Variants in PGC observed in about 807,000 individuals in gnomAD.
PGC encodes the protein gastricsin.
Under a neutral mutation model 45.9 loss-of-function variants are expected in PGC, and 31 were observed. That is an observed-to-expected ratio of 0.67 (90% CI 0.51 to 0.91). The LOEUF (loss-of-function observed/expected upper bound fraction) is 0.91, where lower values mean the gene tolerates loss of function less well. Ranked by LOEUF, PGC falls within the 40% of genes least tolerant of loss-of-function variation. The probability of loss-of-function intolerance (pLI) is 0.00; values close to 1 mark genes in which losing one functional copy is unlikely to be tolerated. For synonymous variants in PGC, 192 were observed against 201.8 expected (o/e 0.95, Z 0.41); for missense variants, 477 against 493.2 (o/e 0.97, Z 0.31).
intron 5 of PGC, 140 bp downstream of exon 5, chr6:41,742,150 G>T: frequency 1.3e-6 from 1 of 764,604 alleles, no homozygotes; most frequent in Non-Finnish European, 2.2e-6. Flanking sequence ...CAGGAAGGAA[G>T]GCCCTGGAGC....
At chr6:41,738,287 TACAC>T (rs1771755195) in intron 7 of PGC, among the ~76,000 whole-genome samples, 1 of 134,638 alleles carries the variant, frequency 7.4e-6, no homozygotes, top group Non-Finnish European at 1.6e-5. Flanking sequence ...CACACACACA[TACAC>T]AGGCATGAGC....
At chr6:41,739,320 A>C (rs1771779703) in intron 7 of PGC, among the ~76,000 whole-genome samples, 1 of 152,178 alleles carries the variant, frequency 6.6e-6, no homozygotes, top group South Asian at 2.1e-4. Context: ...GCCCCGCCTG[A>C]ACAAGCCTCC....
At chr6:41,740,419 T>C (rs1022260442) in intron 6 of PGC, 72 bp downstream of exon 6, 2 of 1,543,782 alleles carry the variant, frequency 1.3e-6, no homozygotes, top group Non-Finnish European at 1.8e-6. Flanking sequence ...CCAGACTGTG[T>C]GTGTGTGTGA....
At chr6:41,737,081 C>T (rs1251274665) in intron 8 of PGC, 77 bp from the exon 9 acceptor site, 2 of 1,426,154 alleles carry the variant, frequency 1.4e-6, no homozygotes, top group Non-Finnish European at 1.9e-6. Context: ...GAGCCCTGGG[C>T]TGGGAGCACA....
At position 41,742,321 on chromosome 6, in the gene PGC, T is replaced by C. The variant is rs766076388; in HGVS notation, c.616A>G (p.Thr206Ala). The C allele has an allele frequency of 1.4e-5, 22 of 1,613,858 alleles. No individual in the cohort carries two copies. Among genetic ancestry groups the C allele is most frequent in the Non-Finnish European group, 1.9e-5 (22 of 1,179,998 alleles). Residue 206 changes from threonine to alanine, a missense_variant, in exon 5 of 9, where the codon ACC becomes GCC. Thr to Ala is a moderately conservative substitution (Grantham distance 58). Transcript: ENST00000373025. ...MQGMVQEGAL[T>A]SPVFSVYLSN... ...AGGTAGACGCTGAAGACGGGGCTGGTGAGGGCGCCCTCCTGCACCATGCCC... is the reference window on the plus strand; with the variant it reads ...AGGTAGACGCTGAAGACGGGGCTGGCGAGGGCGCCCTCCTGCACCATGCCC...
intron 7 of PGC, 87 bp from the exon 8 acceptor site, chr6:41,737,915 C>G (rs993668873): frequency 1.3e-6 from 1 of 792,168 alleles, no homozygotes; most frequent in Non-Finnish European, 2.2e-6. Context: ...GATCCCAGGC[C>G]TGAGCTCCGG....
Position 41,744,880 on chromosome 6 carries a change from CCTT to C in PGC, c.60-75_60-73del, listed in dbSNP as rs1334280719. ...TTCCCACTCCTCTCTTTCTCTCTCTCCTTCTCTTAACTGCATGCTTCAACCTCC... is the reference window on the plus strand; with the variant it reads ...TTCCCACTCCTCTCTTTCTCTCTCTCCTCTTAACTGCATGCTTCAACCTCC... On this transcript the variant is annotated intron_variant, in intron 1 of 8. Transcript: ENST00000373025. The surrounding 1 kb of genome is among the most constrained non-coding windows in gnomAD (Gnocchi z 4.4). The C allele has an allele frequency of 1.4e-6, 2 of 1,380,442 alleles. No homozygotes were observed. The highest frequency in any genetic ancestry group is 1.0e-6 in the Non-Finnish European group (1 of 1,002,328). The allele number at this position is 1,380,442 out of a possible 1,614,324, so 85.5% of individuals were successfully genotyped here.
At chr6:41,737,663 T>A (rs1771711891) in intron 8 of PGC, 67 bp downstream of exon 8, 1 of 876,970 alleles carries the variant, frequency 1.1e-6, no homozygotes, top group Non-Finnish European at 1.9e-6. Flanking sequence ...ACCCAGCATT[T>A]CTGGCTCCCC....
At position 41,740,625 on chromosome 6, in the gene PGC, G is replaced by A; in HGVS notation, c.648-15C>T. 1 of 1,582,486 alleles carries A rather than the reference G, an allele frequency of 6.3e-7. No homozygotes were observed. The highest frequency in any genetic ancestry group is 8.6e-7 in the Non-Finnish European group (1 of 1,166,378). ...AGCCCTGCTGGCTGCAGGAGAGAAAGGGAAGGGGAAGTCAGGGAGTGCCAT... is the reference window on the plus strand; with the variant it reads ...AGCCCTGCTGGCTGCAGGAGAGAAAAGGAAGGGGAAGTCAGGGAGTGCCAT... On this transcript the variant is annotated splice_polypyrimidine_tract_variant and intron_variant, in intron 5 of 8. Coordinates refer to ENST00000373025, the MANE Select transcript of PGC (RefSeq NM_002630.4).
At chr6:41,741,957 C>T (rs929527903) in intron 5 of PGC, 3 of 817,136 alleles carry the variant, frequency 3.7e-6, no homozygotes, top group Non-Finnish European at 6.0e-6. Context: ...CGCTTCTCCA[C>T]CAGGAAGCCT....
rs202059512 is a variant in PGC, at chr6:41,744,991, C to G, written c.60-183G>C. ...TTGCTCTCTGTCTCTGTCTGTCTGT[C>G]TCTCTGTGTGTGTGTGTGTGTGTGC... On this transcript the variant is annotated intron_variant, in intron 1 of 8. Coordinates refer to ENST00000373025, the MANE Select transcript of PGC (RefSeq NM_002630.4). The surrounding 1 kb of genome is among the most constrained non-coding windows in gnomAD (Gnocchi z 4.4). 6.0e-4 allele frequency among the ~76,000 whole-genome samples: 24 copies of G among 39,918 alleles called. No homozygotes were observed. Among genetic ancestry groups the G allele is most frequent in the South Asian group, 3.8e-3 (5 of 1,330 alleles). 26.2% of individuals were successfully genotyped at this position (39,918 alleles called of 152,430 possible).
chr6:41,737,409 A>G (rs937097217), intron 8 of PGC, among the ~76,000 whole-genome samples: 6 of 152,240 alleles, frequency 3.9e-5, no homozygotes, highest in Admixed American at 6.5e-5. Flanking sequence ...AGAAATGAGT[A>G]TCTCCCTCAT....
At chr6:41,741,673 G>C (rs1455626124) in intron 5 of PGC, 12 of 697,448 alleles carry the variant, frequency 1.7e-5, no homozygotes, top group Non-Finnish European at 2.7e-5. Flanking sequence ...CAAAACAAAA[G>C]CAAGTTGCTG....
chr6:41,745,169 C>T (rs1254957082), intron 1 of PGC, among the ~76,000 whole-genome samples: 5 of 152,100 alleles, frequency 3.3e-5, no homozygotes, highest in African/African-American at 9.7e-5. Context: ...TGGCCCTTTG[C>T]TGTCAAATAT....
chr6:41,745,231 T>C (rs1252631060), intron 1 of PGC, among the ~76,000 whole-genome samples: 1 of 122,486 alleles, frequency 8.2e-6, no homozygotes, highest in East Asian at 2.3e-4. Flanking sequence ...TTTACCCTTT[T>C]CAGGATATGT....
In PGC at chr6:41,738,157, C is replaced by T. The variant is rs867913868; in HGVS notation, c.916-329G>A. On this transcript the variant is annotated intron_variant, in intron 7 of 8. Coordinates refer to ENST00000373025, the MANE Select transcript of PGC (RefSeq NM_002630.4). Reference sequence around the variant, plus strand: ...GCATATATATATGCATATATATATACATATATATGCATATATATATACATA... The same window carrying T: ...GCATATATATATGCATATATATATATATATATATGCATATATATATACATA... Among the ~76,000 whole-genome samples the T allele has an allele frequency of 3.4e-3, 93 of 27,752 alleles. 4 individuals are homozygous for T. Among genetic ancestry groups the T allele is most frequent in the South Asian group, 8.9e-3 (7 of 786 alleles). The allele number at this position is 27,752 out of a possible 152,430, so 18.2% of individuals were successfully genotyped here.
At chr6:41,742,633 T>C (rs1269289246) in intron 4 of PGC, 144 bp from the exon 5 acceptor site, 7 of 672,100 alleles carry the variant, frequency 1.0e-5, no homozygotes, top group Non-Finnish European at 1.8e-5. Flanking sequence ...TGTTTGTTTG[T>C]TTGCTTGTTT....
At chr6:41,738,214 G>GCATATATATA (rs1771745806) in intron 7 of PGC, among the ~76,000 whole-genome samples, 12 of 18,740 alleles carry the variant, frequency 6.4e-4, no homozygotes, top group African/African-American at 2.0e-3. Flanking sequence ...ATATATATAT[G>GCATATATATA]CATATATATA....
At chr6:41,742,658 C>T (rs756512156) in intron 4 of PGC, among the ~76,000 whole-genome samples, 169 bp from the exon 5 acceptor site, 16 of 152,130 alleles carry the variant, frequency 1.1e-4, no homozygotes, top group Non-Finnish European at 2.2e-4. Flanking sequence ...CAGAGTCTCG[C>T]CCTGTCACCA....
Sources: allele counts gnomAD v4.1 joint callset (sites outside exome capture counted in the v4.1 genomes callset), GRCh38; gene constraint gnomAD v4.1.1; non-coding constraint Gnocchi (gnomAD v3.1); transcripts MANE v1.5; gene names NCBI Gene and HGNC (gene_info 2026-07-23, HGNC 2026-07-21).